Variants in SMYD3 observed in about 807,000 individuals in gnomAD.
SMYD3 encodes SET and MYND domain containing 3, also known as histone-lysine N-methyltransferase SMYD3.
SMYD3 carries 36 observed loss-of-function variants against 57.7 expected under a neutral mutation model. That is an observed-to-expected ratio of 0.62 (90% CI 0.48 to 0.82). SMYD3 has a LOEUF of 0.82. Among genes scored for constraint, SMYD3 ranks in the 40% least tolerant of loss-of-function variants. SMYD3 has a pLI of 0.00. For synonymous variants in SMYD3, 211 were observed against 195.0 expected, an observed-to-expected ratio of 1.08 and a Z score of -0.68; for missense variants, 515 against 538.8, an observed-to-expected ratio of 0.96 and a Z score of 0.44.
chr1:245,773,325 A>G (rs2046415729), intron 10 of SMYD3, among the ~76,000 whole-genome samples: 1 of 152,216 alleles, frequency 6.6e-6, no homozygotes, highest in African/African-American at 2.4e-5. Context: ...CTAAGCATCC[A>G]ATAATGAACC....
chr1:245,944,656 G>A (rs1428972797), intron 5 of SMYD3, among the ~76,000 whole-genome samples: 2 of 152,032 alleles, frequency 1.3e-5, no homozygotes, highest in Non-Finnish European at 2.9e-5. Flanking sequence ...AATCCATATG[G>A]AACCAAAAGA....
chr1:245,926,915 T>C (rs939926305), intron 7 of SMYD3, among the ~76,000 whole-genome samples: 3 of 152,232 alleles, frequency 2.0e-5, no homozygotes, highest in Non-Finnish European at 4.4e-5. Flanking sequence ...TATCCCAGTA[T>C]ATTTCATACA....
intron 10 of SMYD3, among the ~76,000 whole-genome samples, chr1:245,815,793 T>G (rs1286205539): frequency 1.3e-5 from 2 of 152,216 alleles, no homozygotes; most frequent in Non-Finnish European, 2.9e-5. Context: ...AAAATCGCTG[T>G]TTTTACAAAC....
chr1:245,848,939 A>C (rs1488671997), intron 10 of SMYD3, among the ~76,000 whole-genome samples: 1 of 151,420 alleles, frequency 6.6e-6, no homozygotes, highest in African/African-American at 2.4e-5. Context: ...AGGATAGGCC[A>C]GACAGAAAAA....
chr1:245,969,493 T>C (rs2058241831), intron 5 of SMYD3, among the ~76,000 whole-genome samples: 1 of 152,210 alleles, frequency 6.6e-6, no homozygotes, highest in Non-Finnish European at 1.5e-5. Flanking sequence ...CTGTTTTCAG[T>C]GCTGAATTTG....
chr1:246,462,177 C>T (rs752099794), intron 1 of SMYD3, among the ~76,000 whole-genome samples: 8 of 149,262 alleles, frequency 5.4e-5, no homozygotes, highest in African/African-American at 7.5e-5. Context: ...AAGAAGAATT[C>T]GCCTGCTGGG....
intron 11 of SMYD3, among the ~76,000 whole-genome samples, chr1:245,758,546 A>G (rs1246478759): frequency 6.6e-6 from 1 of 151,822 alleles, no homozygotes; most frequent in Admixed American, 6.6e-5. Flanking sequence ...GGCAGTTTCA[A>G]TTGTCTTATC....
intron 1 of SMYD3, among the ~76,000 whole-genome samples, chr1:246,395,892 A>G (rs111342897): frequency 2.0e-5 from 3 of 152,352 alleles, no homozygotes; most frequent in Non-Finnish European, 4.4e-5. Flanking sequence ...CACCTAGTGA[A>G]TAAGAACAAG....
intron 2 of SMYD3, among the ~76,000 whole-genome samples, chr1:246,352,024 T>C (rs541670485): frequency 6.6e-6 from 1 of 150,384 alleles, no homozygotes; most frequent in African/African-American, 2.4e-5. Flanking sequence ...TAGTCCCAAC[T>C]ACCTGGGGAG....
intron 5 of SMYD3, among the ~76,000 whole-genome samples, chr1:246,176,843 G>A (rs1350319661): frequency 1.3e-5 from 2 of 152,122 alleles, no homozygotes; most frequent in Non-Finnish European, 2.9e-5. Context: ...TTTGTTAATG[G>A]CACTGGTAAT....
intron 5 of SMYD3, among the ~76,000 whole-genome samples, chr1:246,037,772 T>C (rs2059801680): frequency 6.6e-6 from 1 of 152,246 alleles, no homozygotes; most frequent in Admixed American, 6.5e-5. Flanking sequence ...CTGTTTGCTA[T>C]TGCTTTGTTT....
chr1:246,108,314 G>C (rs60497905), intron 5 of SMYD3, among the ~76,000 whole-genome samples: 4,099 of 152,238 alleles, frequency 0.027, 175 homozygotes, highest in African/African-American at 0.093. Flanking sequence ...TCATAATACA[G>C]AGGCATAAGG....
At chr1:246,341,342 ACTGTT>A (rs1224837141) in intron 2 of SMYD3, among the ~76,000 whole-genome samples, 12 of 152,188 alleles carry the variant, frequency 7.9e-5, no homozygotes, top group Non-Finnish European at 1.8e-4. Context: ...GCTTCAGTGA[ACTGTT>A]CTGTAATGCT....
Position 246,467,789 on chromosome 1 carries a change from CCAGA to C in SMYD3, c.164+39261_164+39264del, listed in dbSNP as rs1376308286. On this transcript the variant is annotated intron_variant, in intron 1 of 11. Coordinates refer to ENST00000490107, the MANE Select transcript of SMYD3 (RefSeq NM_001167740.2). ...AGCCAGCATTATTCTGACAGCAAAA[CCAGA>C]CAGACACAATAAAAGAAGAAAATTA... 1.1e-3 allele frequency among the ~76,000 whole-genome samples: 160 copies of C among 152,288 alleles called. 1 individual carries two copies. Among genetic ancestry groups the C allele is most frequent in the Non-Finnish European group, 1.5e-5 (1 of 68,018 alleles).
intron 5 of SMYD3, among the ~76,000 whole-genome samples, chr1:246,273,130 G>GTTT (rs1229300238): frequency 1.6e-5 from 1 of 63,582 alleles, no homozygotes; most frequent in South Asian, 5.6e-4. Flanking sequence ...TAATGTCCCT[G>GTTT]TTTTCTTTTT....
chr1:246,264,250 A>C (rs2064064284), intron 5 of SMYD3, among the ~76,000 whole-genome samples: 1 of 152,220 alleles, frequency 6.6e-6, no homozygotes, highest in Non-Finnish European at 1.5e-5. Flanking sequence ...AATTCAATAC[A>C]GTCATCTTCC....
At chr1:245,974,577 G>A (rs1241088358) in intron 5 of SMYD3, among the ~76,000 whole-genome samples, 8 of 1,054 alleles carry the variant, frequency 7.6e-3, no homozygotes, top group African/African-American at 0.027. Flanking sequence ...CATCGTCTCC[G>A]GCCCAGGGAA....
At chr1:246,299,907 A>G (rs72776381) in intron 5 of SMYD3, among the ~76,000 whole-genome samples, 1 of 47,622 alleles carries the variant, frequency 2.1e-5, no homozygotes, top group Non-Finnish European at 3.8e-5. Context: ...AATGACTACT[A>G]GGTACTAGGC....
At chr1:245,752,244 A>ATC (rs1226046873) in intron 11 of SMYD3, among the ~76,000 whole-genome samples, 1 of 152,204 alleles carries the variant, frequency 6.6e-6, no homozygotes, top group Non-Finnish European at 1.5e-5. Flanking sequence ...GCCTGGAAAG[A>ATC]TCTTTGCAGA....
Sources: allele counts gnomAD v4.1 joint callset (sites outside exome capture counted in the v4.1 genomes callset), GRCh38; gene constraint gnomAD v4.1.1; transcripts MANE v1.5; gene names NCBI Gene and HGNC (gene_info 2026-07-23, HGNC 2026-07-21).